The following SPATA13 variants were observed in gnomAD, a reference collection of about 807,000 sequenced individuals.
SPATA13 encodes spermatogenesis associated 13, also known as spermatogenesis-associated protein 13.
In SPATA13, 50 loss-of-function variants were observed where a neutral mutation model predicts 104.0. The ratio of observed to expected loss-of-function variants is 0.48; its 90% CI spans 0.38 to 0.61. SPATA13 has a LOEUF of 0.61. Ranked by LOEUF, SPATA13 falls within the 20% of genes least tolerant of loss-of-function variation. The pLI, the probability that SPATA13 is intolerant of heterozygous loss-of-function variation, is 0.00. For synonymous variants in SPATA13, 606 were observed against 667.5 expected (o/e 0.91, Z 1.42); for missense variants, 1,524 against 1,690.6 (o/e 0.90, Z 1.73).
intron 2 of SPATA13, among the ~76,000 whole-genome samples, chr13:24,247,326 C>T (rs1334269495): frequency 4.6e-5 from 7 of 152,070 alleles, no homozygotes; most frequent in Non-Finnish European, 1.0e-4. Context: ...CTCACGAAGC[C>T]CATTGTTTTG....
chr13:24,084,828 C>G (rs2137782933), intron 3 of SPATA13, among the ~76,000 whole-genome samples: 1 of 152,134 alleles, frequency 6.6e-6, no homozygotes, highest in African/African-American at 2.4e-5. Flanking sequence ...TCGAGACCAG[C>G]CTGGGCAACA....
chr13:24,188,066 C>T (rs764371580), intron 1 of SPATA13, among the ~76,000 whole-genome samples: 3 of 152,146 alleles, frequency 2.0e-5, no homozygotes, highest in African/African-American at 4.8e-5. Flanking sequence ...CCAGGCCAGG[C>T]GTGGTGGCTC....
intron 4 of SPATA13, among the ~76,000 whole-genome samples, chr13:24,276,540 G>C (rs189891008): frequency 6.6e-6 from 1 of 152,220 alleles, no homozygotes; most frequent in Non-Finnish European, 1.5e-5. Context: ...ATGTGTGGCC[G>C]TTCTGCAAGA....
chr13:24,053,381 A>G (rs1878430484), intron 3 of SPATA13, among the ~76,000 whole-genome samples: 1 of 152,196 alleles, frequency 6.6e-6, no homozygotes, highest in Admixed American at 6.5e-5. Context: ...TCCATGGCTG[A>G]TTCACGTGGA....
chr13:24,302,484 AAAAAAG>A, intron 12 of SPATA13, 108 bp from the exon 13 acceptor site: 2 of 438,978 alleles, frequency 4.6e-6, no homozygotes, highest in Admixed American at 4.2e-5. Context: ...AAAAAAAAAA[AAAAAAG>A]AATTAGCTGA....
intron 4 of SPATA13, among the ~76,000 whole-genome samples, chr13:24,264,931 G>A (rs1459424642): frequency 6.6e-6 from 1 of 152,224 alleles, no homozygotes; most frequent in Admixed American, 6.5e-5. Flanking sequence ...GTTTGGAGAG[G>A]GTGGGATATT....
At chr13:24,044,595 CAT>C (rs1388282247) in intron 3 of SPATA13, among the ~76,000 whole-genome samples, 2 of 152,152 alleles carry the variant, frequency 1.3e-5, no homozygotes, top group Non-Finnish European at 2.9e-5. Context: ...TGTTTCAATA[CAT>C]GTTTACATTG....
At chr13:24,107,237 CAAAAAAAAAAAA>C (rs11421515) in intron 3 of SPATA13, among the ~76,000 whole-genome samples, 3 of 34,266 alleles carry the variant, frequency 8.8e-5, no homozygotes, top group Admixed American at 5.8e-4. Context: ...GAACAAGAGG[CAAAAAAAAAAAA>C]AAAAAAAAAA....
chr13:24,092,251 A>G (rs1879933820), intron 3 of SPATA13, among the ~76,000 whole-genome samples: 1 of 152,236 alleles, frequency 6.6e-6, no homozygotes, highest in African/African-American at 2.4e-5. Context: ...TTAGGAAACA[A>G]TGATCATGTG....
intron 1 of SPATA13, among the ~76,000 whole-genome samples, chr13:24,197,349 A>C (rs1186125775): frequency 6.6e-6 from 1 of 152,254 alleles, no homozygotes; most frequent in South Asian, 2.1e-4. Context: ...AAGTGTATCA[A>C]AGTACAACTT....
At chr13:24,012,089 G>T (rs1416644238) in intron 2 of SPATA13, among the ~76,000 whole-genome samples, 3 of 152,236 alleles carry the variant, frequency 2.0e-5, no homozygotes, top group Non-Finnish European at 2.9e-5. Context: ...CAGCAAGGAT[G>T]TGAGGGACCT....
At chr13:24,187,031 TGAG>T (rs1426046432) in intron 1 of SPATA13, among the ~76,000 whole-genome samples, 4 of 152,142 alleles carry the variant, frequency 2.6e-5, no homozygotes, top group Non-Finnish European at 5.9e-5. Context: ...TCCTTTTCCT[TGAG>T]GAGGATGTTC....
intron 3 of SPATA13, among the ~76,000 whole-genome samples, chr13:24,139,243 C>A (rs1472325377): frequency 1.3e-5 from 2 of 152,136 alleles, no homozygotes; most frequent in African/African-American, 4.8e-5. Context: ...TATAAGGACA[C>A]CAGTCAGTTT....
intron 3 of SPATA13, among the ~76,000 whole-genome samples, chr13:24,113,885 A>T (rs533583887): frequency 6.6e-6 from 1 of 151,608 alleles, no homozygotes; most frequent in Non-Finnish European, 1.5e-5. Context: ...AAAAAAAAAA[A>T]AAAAAGAAAG....
At chr13:24,004,133 T>C (rs1472995669) in intron 2 of SPATA13, among the ~76,000 whole-genome samples, 1 of 152,220 alleles carries the variant, frequency 6.6e-6, no homozygotes, top group Non-Finnish European at 1.5e-5. Context: ...CATGTCTCTG[T>C]CTTTGGTGAA....
chr13:24,002,000 C>T (rs541284661), intron 2 of SPATA13, among the ~76,000 whole-genome samples: 1 of 151,922 alleles, frequency 6.6e-6, no homozygotes, highest in South Asian at 2.1e-4. Flanking sequence ...ACCCAGGGGG[C>T]GGGTGGGAGC....
At chr13:24,004,361 T>A (rs998810868) in intron 2 of SPATA13, among the ~76,000 whole-genome samples, 3 of 152,186 alleles carry the variant, frequency 2.0e-5, no homozygotes, top group Non-Finnish European at 4.4e-5. Context: ...TGACAGTTAG[T>A]GTGGCAACTG....
chr13:24,282,907 C>G (rs1168447156), intron 4 of SPATA13, among the ~76,000 whole-genome samples: 4 of 152,238 alleles, frequency 2.6e-5, no homozygotes, highest in Non-Finnish European at 5.9e-5. Context: ...CTCTGTGACC[C>G]TAAAACCTCT....
chr13:24,192,427 C>G (rs1358411762), intron 1 of SPATA13, among the ~76,000 whole-genome samples: 2 of 152,024 alleles, frequency 1.3e-5, no homozygotes, highest in Admixed American at 6.6e-5. Context: ...TCCTCCTGCC[C>G]CTTCAGTCTC....
Sources: gnomAD v4.1 joint callset for allele counts (sites outside exome capture counted in the v4.1 genomes callset) on GRCh38, gnomAD v4.1.1 for gene constraint, MANE v1.5 for transcripts, NCBI Gene and HGNC (gene_info 2026-07-23, HGNC 2026-07-21) for gene names.